The following USP10 variants were observed in gnomAD, a reference collection of about 807,000 sequenced individuals.
USP10 encodes the protein ubiquitin carboxyl-terminal hydrolase 10.
Under a neutral mutation model 84.5 loss-of-function variants are expected in USP10, and 22 were observed. That is an observed-to-expected ratio of 0.26 (90% CI 0.19 to 0.37). USP10 has a LOEUF of 0.37. Among genes scored for constraint, USP10 ranks in the 10% least tolerant of loss-of-function variants. USP10 has a pLI of 1.00. For synonymous variants in USP10, 454 were observed against 387.6 expected, an observed-to-expected ratio of 1.17 and a Z score of -2.01; for missense variants, 1,019 against 998.9, an observed-to-expected ratio of 1.02 and a Z score of -0.27.
intron 1 of USP10, among the ~76,000 whole-genome samples, chr16:84,719,448 G>T (rs1341250679): frequency 1.3e-5 from 2 of 152,148 alleles, no homozygotes; most frequent in African/African-American, 4.8e-5. Flanking sequence ...GCTAAATGAG[G>T]CCTGGACTCC....
chr16:84,750,627 CAT>C (rs1475040878), intron 4 of USP10, among the ~76,000 whole-genome samples: 5 of 152,170 alleles, frequency 3.3e-5, no homozygotes, highest in African/African-American at 1.2e-4. Context: ...TACTAAGGAA[CAT>C]TCCTCATATA....
intron 4 of USP10, among the ~76,000 whole-genome samples, chr16:84,754,084 C>G (rs996847729): frequency 3.9e-5 from 6 of 152,204 alleles, no homozygotes; most frequent in Middle Eastern, 3.4e-3. Context: ...GTGTGAGAGT[C>G]TTGTCTTTAA....
intron 4 of USP10, among the ~76,000 whole-genome samples, chr16:84,755,723 C>T (rs1912453759): frequency 6.6e-6 from 1 of 151,364 alleles, no homozygotes; most frequent in African/African-American, 2.4e-5. Context: ...GCTTGAGACC[C>T]AGAGGCGGAG....
chr16:84,756,645 T>C (rs565053278), intron 4 of USP10, among the ~76,000 whole-genome samples: 2 of 152,084 alleles, frequency 1.3e-5, no homozygotes, highest in Non-Finnish European at 2.9e-5. Flanking sequence ...GTCTTAAGGT[T>C]AGGTTTAAAA....
chr16:84,712,358 G>C (rs535572879), intron 1 of USP10, among the ~76,000 whole-genome samples: 1 of 152,266 alleles, frequency 6.6e-6, no homozygotes, highest in African/African-American at 2.4e-5. Context: ...GGAAGCAGCC[G>C]CTGGCCTGGC....
At chr16:84,737,559 G>T (rs959472521) in intron 2 of USP10, among the ~76,000 whole-genome samples, 1 of 152,208 alleles carries the variant, frequency 6.6e-6, no homozygotes, top group African/African-American at 2.4e-5. Flanking sequence ...TGGCATTCCT[G>T]CAGGTGCGCT....
intron 1 of USP10, among the ~76,000 whole-genome samples, chr16:84,725,141 C>T (rs1160763550): frequency 6.6e-6 from 1 of 152,140 alleles, no homozygotes; most frequent in African/African-American, 2.4e-5. Context: ...CATTTTAGAA[C>T]ATTTCATCAT....
chr16:84,702,045 CTTTTTTTTT>C (rs1168917308), intron 1 of USP10, among the ~76,000 whole-genome samples: 70 of 42,628 alleles, frequency 1.6e-3, no homozygotes, highest in Admixed American at 2.5e-3. Flanking sequence ...GAGTTTCGCT[CTTTTTTTTT>C]TTTTTTTTTT....
intron 1 of USP10, 59 bp downstream of exon 1, chr16:84,700,170 C>T: frequency 1.7e-6 from 2 of 1,187,924 alleles, no homozygotes; most frequent in Non-Finnish European, 2.1e-6. Flanking sequence ...GGGCGGACGC[C>T]GCGGCGGGCG....
intron 1 of USP10, among the ~76,000 whole-genome samples, chr16:84,713,928 G>A (rs1342177466): frequency 1.3e-5 from 2 of 152,284 alleles, no homozygotes; most frequent in Non-Finnish European, 2.9e-5. Context: ...GACGTGGAGA[G>A]TTGTCGGGGC....
chr16:84,749,472 C>A (rs906187143), intron 4 of USP10, among the ~76,000 whole-genome samples: 1 of 151,820 alleles, frequency 6.6e-6, no homozygotes, highest in African/African-American at 2.4e-5. Flanking sequence ...AAATGTATTC[C>A]TTTCTGCCAG....
At chr16:84,769,845 G>A (rs528860546) in intron 11 of USP10, among the ~76,000 whole-genome samples, 55 of 152,258 alleles carry the variant, frequency 3.6e-4, no homozygotes, top group African/African-American at 1.2e-3. Context: ...TAGGGGTGGC[G>A]GTGTGGGGGC....
chr16:84,779,158 T>C lies in USP10; in HGVS notation c.*76T>C, dbSNP rs140220967. On this transcript the variant is annotated 3_prime_UTR_variant, in exon 14 of 14. Transcript: ENST00000219473. ...CTCACACTCACTTCCCGCCTCTCTT[T>C]AGTGGCTCTTTAGAGAGAAACTCTT... 1.8e-4 allele frequency: 276 copies of C among 1,512,414 alleles called. 2 individuals are homozygous for C. In the East Asian group the frequency reaches 6.3e-3, roughly 34 times the overall value. 93.7% of individuals were successfully genotyped at this position (1,512,414 alleles called of 1,614,324 possible).
chr16:84,735,192 G>A (rs1217859246), intron 2 of USP10, among the ~76,000 whole-genome samples: 1 of 75,674 alleles, frequency 1.3e-5, no homozygotes, highest in Non-Finnish European at 2.4e-5. Flanking sequence ...TGCCAGGCCC[G>A]GGTGGTGTGT....
At chr16:84,732,493 C>A (rs1213380461) in intron 1 of USP10, 2 of 386,882 alleles carry the variant, frequency 5.2e-6, no homozygotes, top group South Asian at 3.6e-5. Context: ...GTCGCCCCGG[C>A]TGGGGTGCGG....
At chr16:84,733,645 A>C (rs1254286086) in intron 2 of USP10, 142 bp downstream of exon 2, 2 of 546,434 alleles carry the variant, frequency 3.7e-6, no homozygotes, top group African/African-American at 2.0e-5. Context: ...TCAACCCACC[A>C]ACTAGATTTG....
chr16:84,735,196 GGTGTGTGTGTGTGTGTGTGTGT>G (rs34240400), intron 2 of USP10, among the ~76,000 whole-genome samples: 28 of 146,264 alleles, frequency 1.9e-4, no homozygotes, highest in Admixed American at 6.8e-4. Flanking sequence ...AGGCCCGGGT[GGTGTGTGTGTGTGTGTGTGTGT>G]GTGTGTGTGT....
intron 2 of USP10, among the ~76,000 whole-genome samples, chr16:84,740,079 G>C (rs769371910): frequency 8.5e-5 from 13 of 152,170 alleles, no homozygotes; most frequent in South Asian, 2.1e-4. Flanking sequence ...CTTCATTTTC[G>C]GATCTGTTTA....
intron 8 of USP10, among the ~76,000 whole-genome samples, chr16:84,760,521 A>T (rs1296551574): frequency 1.3e-5 from 2 of 152,212 alleles, no homozygotes; most frequent in Non-Finnish European, 2.9e-5. Context: ...AAGAGAAGTG[A>T]AGCCACTGTC....
Sources: gnomAD v4.1 joint callset for allele counts (sites outside exome capture counted in the v4.1 genomes callset) on GRCh38, gnomAD v4.1.1 for gene constraint, MANE v1.5 for transcripts, NCBI Gene and HGNC (gene_info 2026-07-23, HGNC 2026-07-21) for gene names.